MEF2D: variants seen among roughly 807,000 people sequenced by gnomAD.
MEF2D encodes the protein myocyte-specific enhancer factor 2D.
A neutral mutation model predicts 59.3 loss-of-function variants in MEF2D; 10 were observed. The observed-to-expected ratio is 0.17, with a 90% CI of 0.10 to 0.29. The LOEUF is 0.29. MEF2D is among the 10% of genes least tolerant of loss of function. The pLI is 1.00. For synonymous variants in MEF2D, 305 were observed against 295.0 expected (o/e 1.03, Z -0.35); for missense variants, 508 against 699.4 (o/e 0.73, Z 3.09).
chr1:156,476,391 G>A (rs1210469118), intron 8 of MEF2D, 103 bp downstream of exon 8: 50 of 1,341,490 alleles, frequency 3.7e-5, no homozygotes, highest in Non-Finnish European at 4.3e-5. Flanking sequence ...AACAGTTCAC[G>A]CACAGGCGAG....
In MEF2D at chr1:156,464,405, T is replaced by G; in HGVS notation, c.*3240A>C. ...CAGGGGTCAGTCTTGCTGCACTGAG[T>G]GTGCTGTTGAGGGGGGGAGAATGGT... On this transcript the variant is annotated 3_prime_UTR_variant, in exon 12 of 12. Coordinates refer to ENST00000348159, the MANE Select transcript of MEF2D (RefSeq NM_005920.4). 8.6e-6 allele frequency: 1 copy of G among 115,792 alleles called. No homozygotes were observed. The highest frequency in any genetic ancestry group is 3.4e-5 in the African/African-American group (1 of 29,204). The allele number at this position is 115,792 out of a possible 1,614,324, so 7.2% of individuals were successfully genotyped here.
chr1:156,475,787 C>T (rs999812786), intron 8 of MEF2D, among the ~76,000 whole-genome samples: 2 of 152,222 alleles, frequency 1.3e-5, no homozygotes, highest in African/African-American at 4.8e-5. Context: ...GCCTGCCTGC[C>T]TTTTCCAGCC....
intron 1 of MEF2D, among the ~76,000 whole-genome samples, chr1:156,488,727 A>C (rs1672541442): frequency 2.0e-5 from 3 of 152,214 alleles, no homozygotes; most frequent in Admixed American, 6.5e-5. Context: ...CTCGGGTTTC[A>C]GAATGATGCT....
At chr1:156,469,791 C>T (rs1002187399) in intron 9 of MEF2D, among the ~76,000 whole-genome samples, 1 of 151,954 alleles carries the variant, frequency 6.6e-6, no homozygotes, top group Admixed American at 6.6e-5. Context: ...GGGGCTGAGG[C>T]AGGAGACTTG....
At chr1:156,472,212 C>G (rs557570891) in intron 9 of MEF2D, among the ~76,000 whole-genome samples, 1 of 152,372 alleles carries the variant, frequency 6.6e-6, no homozygotes, top group East Asian at 1.9e-4. Flanking sequence ...ACCCTCAGGG[C>G]TGGTTTTTCT....
At chr1:156,475,749 C>T (rs1049876235) in intron 8 of MEF2D, among the ~76,000 whole-genome samples, 4 of 152,228 alleles carry the variant, frequency 2.6e-5, no homozygotes, top group African/African-American at 7.2e-5. Context: ...ATGCTGGGGC[C>T]GAAACTGCCG....
At position 156,468,446 on chromosome 1, in the gene MEF2D, T is replaced by G; in HGVS notation, c.1248-147A>C. 1 of 639,180 alleles carries G rather than the reference T, an allele frequency of 1.6e-6. No individual in the cohort carries two copies. Among genetic ancestry groups the G allele is most frequent in the Non-Finnish European group, 2.7e-6 (1 of 376,988 alleles). 39.6% of individuals were successfully genotyped at this position (639,180 alleles called of 1,614,324 possible). A position where few individuals can be genotyped will look rare whatever the true frequency, so the allele number is the denominator to read the frequency against. ...GGGGTGTTGGGGAGAGGCAATTGGA[T>G]GGAGAGTGATCAGAAGAGGGTCGAA... On this transcript the variant is annotated intron_variant, in intron 10 of 11. Coordinates refer to ENST00000348159, the MANE Select transcript of MEF2D (RefSeq NM_005920.4). This position sits in a 1 kb window ranked among gnomAD's most constrained non-coding sequence, Gnocchi z 4.3.
chr1:156,487,139 T>A (rs1209692503), intron 1 of MEF2D, among the ~76,000 whole-genome samples: 2 of 152,198 alleles, frequency 1.3e-5, no homozygotes, highest in Non-Finnish European at 2.9e-5. Context: ...AACTGTCGCC[T>A]GGCAACCAGC....
intron 1 of MEF2D, among the ~76,000 whole-genome samples, chr1:156,485,633 C>T (rs141598657): frequency 6.6e-6 from 1 of 151,312 alleles, no homozygotes; most frequent in African/African-American, 2.4e-5. Flanking sequence ...AACCTTCCAG[C>T]CTCAGCCTCC....
rs748674261 is a variant in MEF2D, at chr1:156,482,566, G to A, written c.129C>T (p.Ile43=). The A allele has an allele frequency of 1.2e-5, 20 of 1,614,216 alleles. 1 individual carries two copies. The South Asian group carries it at 1.8e-4, about 14-fold the overall frequency. ...YELSVLCDCE[I]ALIIFNHSNK... is the part of the protein sequence containing the mutation. ...TGGAGTGGTTGAAGATGATGAGTGC[G>A]ATCTCGCAGTCACATAGCACGCTCA... Residue 43 remains isoleucine (I), a synonymous_variant, in exon 3 of 12, where the codon ATC becomes ATT. Transcript: ENST00000348159.
intron 11 of MEF2D, 109 bp downstream of exon 11, chr1:156,467,872 GGCGGAAGGGGTA>G (rs1670957474): frequency 1.5e-6 from 2 of 1,320,722 alleles, no homozygotes; most frequent in Non-Finnish European, 2.1e-6. Context: ...TAGAAGGGCT[GGCGGAAGGGGTA>G]GCCGGCCACA....
Position 156,468,118 on chromosome 1 carries a change from A to G in MEF2D, c.1429T>C (p.Ser477Pro). Residue 477 changes from serine to proline, a missense_variant, in exon 11 of 12, where the codon TCC (serine) becomes CCC (proline). Coordinates refer to ENST00000348159, the MANE Select transcript of MEF2D (RefSeq NM_005920.4). This position sits in a 1 kb window ranked among gnomAD's most constrained non-coding sequence, Gnocchi z 4.3. ...TCATCCCGGTCTCCCGTCTCATAGG[A>G]TCCCCCGGCTGGGCTGCTGAGACCA... ...GDGLSSPAGG[S>P]YETGDRDDGR... The G allele has an allele frequency of 2.5e-6, 4 of 1,613,856 alleles. No homozygotes were observed. The highest frequency in any genetic ancestry group is 3.4e-6 in the Non-Finnish European group (4 of 1,179,904).
chr1:156,493,274 T>C (rs1672923257), intron 1 of MEF2D, among the ~76,000 whole-genome samples: 1 of 152,102 alleles, frequency 6.6e-6, no homozygotes, highest in Non-Finnish European at 1.5e-5. Context: ...CCTACGATGA[T>C]GACAGGGGAC....
At chr1:156,492,920 T>C (rs1394632369) in intron 1 of MEF2D, among the ~76,000 whole-genome samples, 3 of 152,196 alleles carry the variant, frequency 2.0e-5, no homozygotes, top group Non-Finnish European at 4.4e-5. Flanking sequence ...GGGGAGGGAC[T>C]TCCCATGGAA....
Position 156,475,250 on chromosome 1 carries a change from A to G in MEF2D, c.877-13T>C. 1 of 1,586,948 alleles carries G rather than the reference A, an allele frequency of 6.3e-7. No individual in the cohort carries two copies. The highest frequency in any genetic ancestry group is 1.8e-4 in the Middle Eastern group (1 of 5,624). On this transcript the variant is annotated splice_polypyrimidine_tract_variant and intron_variant, in intron 8 of 11. Transcript: ENST00000348159. Reference sequence around the variant, plus strand: ...GCTGGGCATTGTTCTGTAGGAGAAAACTGTCCGTCAGGAGGTGGCTGACAG... The same window carrying G: ...GCTGGGCATTGTTCTGTAGGAGAAAGCTGTCCGTCAGGAGGTGGCTGACAG...
rs1671037200 is a variant in MEF2D, at chr1:156,468,813, G to A, written c.1214C>T (p.Ser405Phe). 3.1e-6 allele frequency: 5 copies of A among 1,614,000 alleles called. No individual in the cohort carries two copies. The highest frequency in any genetic ancestry group is 1.3e-5 in the African/African-American group (1 of 74,938). The change falls in exon 10 of 12, where the codon TCC becomes TTC. Residue 405 changes from serine (S) to phenylalanine (F), a missense_variant. Transcript: ENST00000348159. The surrounding 1 kb of genome is among the most constrained non-coding windows in gnomAD (Gnocchi z 4.3). ...QQPQQPPQQQ[S>F]HLVPVSLSNL... ...GCTGAGAGATACAGGGACCAGGTGG[G>A]ACTGTTGCTGAGGTGGCTGTTGCGG...
At chr1:156,476,043 C>T (rs1483694925) in intron 8 of MEF2D, among the ~76,000 whole-genome samples, 1 of 152,110 alleles carries the variant, frequency 6.6e-6, no homozygotes, top group East Asian at 1.9e-4. Flanking sequence ...ACCAGCTTCT[C>T]CTTCCAGCTG....
At chr1:156,491,285 G>A (rs1014896779) in intron 1 of MEF2D, among the ~76,000 whole-genome samples, 2 of 152,194 alleles carry the variant, frequency 1.3e-5, no homozygotes, top group Non-Finnish European at 2.9e-5. Flanking sequence ...TGGGTAGCTG[G>A]GTGGACTAGG....
Position 156,467,427 on chromosome 1 carries a change from T to C in MEF2D, c.*218A>G, listed in dbSNP as rs966352532. 1 of 212,284 alleles carries C rather than the reference T, an allele frequency of 4.7e-6. No homozygotes were observed. The highest frequency in any genetic ancestry group is 9.2e-6 in the Non-Finnish European group (1 of 108,334). 13.2% of individuals were successfully genotyped at this position (212,284 alleles called of 1,614,324 possible). A position where few individuals can be genotyped will look rare whatever the true frequency, so the allele number is the denominator to read the frequency against. On this transcript the variant is annotated 3_prime_UTR_variant, in exon 12 of 12. Coordinates refer to ENST00000348159, the MANE Select transcript of MEF2D (RefSeq NM_005920.4). ...TGGTGGGGGGTACAGAAAGAGGGGA[T>C]GAGAGCATCCCCCTCTCCAAAGCGA...
Sources: allele counts gnomAD v4.1 joint callset (sites outside exome capture counted in the v4.1 genomes callset), GRCh38; gene constraint gnomAD v4.1.1; non-coding constraint Gnocchi (gnomAD v3.1); transcripts MANE v1.5; gene names NCBI Gene and HGNC (gene_info 2026-07-23, HGNC 2026-07-21).